The following RIN2 variants were observed in gnomAD, a reference collection of about 807,000 sequenced individuals.
RIN2 encodes the protein Ras and Rab interactor 2.
RIN2 carries 36 observed loss-of-function variants against 78.0 expected under a neutral mutation model. The observed-to-expected ratio is 0.46, with a 90% CI of 0.35 to 0.61. The LOEUF (loss-of-function observed/expected upper bound fraction) is 0.61. Among genes scored for constraint, RIN2 ranks in the 20% least tolerant of loss-of-function variants. The probability of loss-of-function intolerance (pLI) is 0.00; values close to 1 mark genes in which losing one functional copy is unlikely to be tolerated. For synonymous variants in RIN2, 466 were observed against 466.8 expected (o/e 1.00, Z 0.02); for missense variants, 1,087 against 1,159.7 (o/e 0.94, Z 0.91).
intron 2 of RIN2, among the ~76,000 whole-genome samples, chr20:19,855,754 T>G (rs1237248378): frequency 6.6e-6 from 1 of 152,074 alleles, no homozygotes; most frequent in Non-Finnish European, 1.5e-5. Flanking sequence ...CACCGGAGGC[T>G]TGGGGGAAAA....
chr20:19,970,830 A>G lies in RIN2; in HGVS notation c.537-8A>G. 1 of 1,601,790 alleles carries G rather than the reference A, an allele frequency of 6.2e-7. No individual in the cohort carries two copies. The highest frequency in any genetic ancestry group is 1.1e-5 in the South Asian group (1 of 90,190). On this transcript the variant is annotated splice_polypyrimidine_tract_variant and splice_region_variant and intron_variant, in intron 7 of 12. Transcript: ENST00000255006. ...TTACAAACATTCTCTCTTTTTCTGA[A>G]CAATCAGGGATGTTCTACCATTTAC...
chr20:19,814,436 C>A (rs2035702075), intron 2 of RIN2, among the ~76,000 whole-genome samples: 1 of 151,790 alleles, frequency 6.6e-6, no homozygotes, highest in Admixed American at 6.6e-5. Context: ...TTGACTTTGC[C>A]TTCCAAAATG....
chr20:19,952,267 T>A (rs1048207201), intron 4 of RIN2, among the ~76,000 whole-genome samples: 2 of 152,272 alleles, frequency 1.3e-5, no homozygotes, highest in South Asian at 4.1e-4. Flanking sequence ...CCTGGGCATT[T>A]CCAGGAGAAG....
chr20:19,997,312 G>A (rs566787453), intron 12 of RIN2, among the ~76,000 whole-genome samples: 9 of 152,352 alleles, frequency 5.9e-5, no homozygotes, highest in East Asian at 3.9e-4. Context: ...TATGGCAGCC[G>A]TCCACGGCGC....
chr20:19,801,580 C>G (rs1346949865), intron 2 of RIN2, among the ~76,000 whole-genome samples: 2 of 152,310 alleles, frequency 1.3e-5, no homozygotes, highest in East Asian at 3.9e-4. Flanking sequence ...CTCGGCCTCC[C>G]AAAGTGCTGG....
At chr20:19,912,904 C>T (rs761585479) in intron 3 of RIN2, among the ~76,000 whole-genome samples, 1 of 152,218 alleles carries the variant, frequency 6.6e-6, no homozygotes, top group Non-Finnish European at 1.5e-5. Flanking sequence ...GAGGAAGCTG[C>T]ATGTTGTCCA....
At chr20:19,854,578 C>G (rs1356057405) in intron 2 of RIN2, among the ~76,000 whole-genome samples, 1 of 152,142 alleles carries the variant, frequency 6.6e-6, no homozygotes, top group Non-Finnish European at 1.5e-5. Context: ...TGTAGTTCTC[C>G]TTGAAGAGGT....
intron 1 of RIN2, among the ~76,000 whole-genome samples, chr20:19,794,641 C>T (rs1394832775): frequency 6.6e-6 from 1 of 151,004 alleles, no homozygotes; most frequent in African/African-American, 2.4e-5. Flanking sequence ...AAATAAGCAA[C>T]TACTTCAGTT....
Position 19,935,020 on chromosome 20 carries a change from A to C in RIN2, c.58-79A>C, listed in dbSNP as rs978224093. ...GATGGTCATCTCTGTTCCTATTGAA[A>C]AGCCTGAGTTCCCCGGGCGCTGTGG... On this transcript the variant is annotated intron_variant, in intron 3 of 12. Coordinates refer to ENST00000255006, the MANE Select transcript of RIN2 (RefSeq NM_018993.4). The C allele has an allele frequency of 1.3e-4, 130 of 1,016,320 alleles. No homozygotes were observed. The highest frequency in any genetic ancestry group is 4.2e-4 in the Admixed American group (21 of 49,710). The allele number at this position is 1,016,320 out of a possible 1,614,324, so 63.0% of individuals were successfully genotyped here.
rs954754758 is a variant in RIN2 at position 19,996,902 on chromosome 20, C to G, written c.2364+60C>G. 2.0e-6 allele frequency: 3 copies of G among 1,468,716 alleles called. No individual in the cohort carries two copies. The African/African-American group carries it at 4.2e-5, about 21-fold the overall frequency. 91.0% of individuals were successfully genotyped at this position (1,468,716 alleles called of 1,614,324 possible). On this transcript the variant is annotated intron_variant, in intron 12 of 12. Transcript: ENST00000255006. ...CTCCAGGAATGCGGAGCTGGCTCAC[C>G]CAGCACATCCCAGCTCAGAGGTCCC... is the stretch of plus-strand genomic sequence containing the variant.
At chr20:19,801,413 C>T (rs968837177) in intron 2 of RIN2, among the ~76,000 whole-genome samples, 8 of 152,166 alleles carry the variant, frequency 5.3e-5, no homozygotes, top group Non-Finnish European at 5.9e-5. Flanking sequence ...CTCTGCCTTT[C>T]GGGTTCACGC....
chr20:19,780,748 C>T (rs1158852123), intron 1 of RIN2, among the ~76,000 whole-genome samples: 1 of 152,202 alleles, frequency 6.6e-6, no homozygotes, highest in African/African-American at 2.4e-5. Flanking sequence ...TAATTAACCT[C>T]TCTGGGCTTC....
At chr20:19,908,123 C>G (rs2039298179) in intron 3 of RIN2, among the ~76,000 whole-genome samples, 1 of 152,292 alleles carries the variant, frequency 6.6e-6, no homozygotes, top group Non-Finnish European at 1.5e-5. Flanking sequence ...CATCTGTCTG[C>G]AGGGCGATCA....
chr20:19,984,823 C>G (rs993950703), intron 9 of RIN2, among the ~76,000 whole-genome samples: 1 of 152,278 alleles, frequency 6.6e-6, no homozygotes, highest in Non-Finnish European at 1.5e-5. Flanking sequence ...TCATCTTTGA[C>G]CAAAACACGC....
chr20:19,766,332 T>C (rs1366546110), intron 1 of RIN2, among the ~76,000 whole-genome samples: 1 of 152,194 alleles, frequency 6.6e-6, no homozygotes, highest in Non-Finnish European at 1.5e-5. Flanking sequence ...AATAACCTAC[T>C]ACACTTTAGT....
rs1033724560 is a variant in RIN2 at position 19,865,569 on chromosome 20, C to G, written c.-36-23997C>G. ...GTGCTGCAATCATGGCTCACTGCAG[C>G]CTCAAACTCCTGGGTTCAAGTGATC... On this transcript the variant is annotated intron_variant, in intron 2 of 12. Coordinates refer to ENST00000255006, the MANE Select transcript of RIN2 (RefSeq NM_018993.4). 2.0e-5 allele frequency among the ~76,000 whole-genome samples: 3 copies of G among 150,396 alleles called. No individual in the cohort carries two copies. The Admixed American group carries it at 2.0e-4, about 10-fold the overall frequency.
intron 1 of RIN2, among the ~76,000 whole-genome samples, chr20:19,765,726 G>A (rs1002050003): frequency 1.4e-5 from 2 of 142,188 alleles, no homozygotes; most frequent in African/African-American, 5.1e-5. Context: ...AGAGGCTCTT[G>A]TCTTTTTAGA....
chr20:19,970,759 C>T, intron 7 of RIN2, 79 bp from the exon 8 acceptor site: 1 of 1,139,258 alleles, frequency 8.8e-7, no homozygotes. Flanking sequence ...TAAGCTAAAA[C>T]ATCTCTATGA....
intron 3 of RIN2, among the ~76,000 whole-genome samples, chr20:19,915,602 C>T (rs1240020317): frequency 6.6e-6 from 1 of 152,182 alleles, no homozygotes; most frequent in Admixed American, 6.5e-5. Context: ...CGCATCAGAG[C>T]GCAGGTTCCA....
Sources: gnomAD v4.1 joint callset for allele counts (sites outside exome capture counted in the v4.1 genomes callset) on GRCh38, gnomAD v4.1.1 for gene constraint, MANE v1.5 for transcripts, NCBI Gene and HGNC (gene_info 2026-07-23, HGNC 2026-07-21) for gene names.